The following PCED1B variants were observed in gnomAD, a reference collection of about 807,000 sequenced individuals.
PCED1B encodes PC-esterase domain-containing protein 1B.
For missense variants in PCED1B, 573 were observed against 573.9 expected, an observed-to-expected ratio of 1.00 and a Z score of 0.02; for synonymous variants, 251 against 246.1, an observed-to-expected ratio of 1.02 and a Z score of -0.19.
intron 2 of PCED1B, among the ~76,000 whole-genome samples, chr12:47,106,353 A>T (rs1565750226): frequency 1.3e-5 from 2 of 152,126 alleles, no homozygotes; most frequent in African/African-American, 4.8e-5. Flanking sequence ...TCTTGTTTGT[A>T]GAATTAAATA....
chr12:47,124,914 G>A (rs1276034954), intron 2 of PCED1B, among the ~76,000 whole-genome samples: 3 of 151,864 alleles, frequency 2.0e-5, no homozygotes, highest in Non-Finnish European at 4.4e-5. Context: ...TCTCAATACA[G>A]GTTCTTAACA....
intron 2 of PCED1B, among the ~76,000 whole-genome samples, chr12:47,180,985 A>G (rs1197241812): frequency 8.4e-6 from 1 of 118,378 alleles, no homozygotes; most frequent in Non-Finnish European, 1.7e-5. Context: ...TTTCAACTGT[A>G]TTCTCTTTTT....
intron 1 of PCED1B, among the ~76,000 whole-genome samples, chr12:47,103,560 T>C (rs1938811647): frequency 6.6e-6 from 1 of 152,228 alleles, no homozygotes; most frequent in African/African-American, 2.4e-5. Context: ...AGTTCACGAA[T>C]CATTCCCACA....
chr12:47,186,043 C>T (rs768670870), intron 2 of PCED1B, among the ~76,000 whole-genome samples: 15 of 151,860 alleles, frequency 9.9e-5, no homozygotes, highest in Non-Finnish European at 1.5e-4. Flanking sequence ...CATGGTGAAA[C>T]CCCATCTCTA....
intron 2 of PCED1B, among the ~76,000 whole-genome samples, chr12:47,182,677 G>A (rs1409567008): frequency 2.6e-5 from 4 of 152,090 alleles, no homozygotes; most frequent in Admixed American, 1.3e-4. Context: ...AACTCAGGAG[G>A]CAGATTATTA....
intron 2 of PCED1B, among the ~76,000 whole-genome samples, chr12:47,130,174 G>A (rs1940064581): frequency 6.6e-6 from 1 of 152,028 alleles, no homozygotes; most frequent in Non-Finnish European, 1.5e-5. Context: ...TTTTTAAGTG[G>A]TAAGGCTTTA....
At chr12:47,107,881 A>G (rs933373470) in intron 2 of PCED1B, among the ~76,000 whole-genome samples, 1 of 152,238 alleles carries the variant, frequency 6.6e-6, no homozygotes, top group Non-Finnish European at 1.5e-5. Context: ...AACCAGAAAA[A>G]TGAGGATCTT....
At chr12:47,126,479 C>T (rs1368960182) in intron 2 of PCED1B, among the ~76,000 whole-genome samples, 1 of 152,026 alleles carries the variant, frequency 6.6e-6, no homozygotes, top group African/African-American at 2.4e-5. Context: ...TTTCTTACAA[C>T]ATCTTTGGTT....
chr12:47,086,030 C>T (rs918104782), intron 1 of PCED1B, among the ~76,000 whole-genome samples: 9 of 152,246 alleles, frequency 5.9e-5, no homozygotes, highest in South Asian at 2.1e-4. Context: ...GTGTGCTAGG[C>T]GCTATTCTTT....
chr12:47,174,662 T>C (rs1054202847), intron 2 of PCED1B, among the ~76,000 whole-genome samples: 1 of 152,218 alleles, frequency 6.6e-6, no homozygotes, highest in Non-Finnish European at 1.5e-5. Flanking sequence ...TTAATGAATA[T>C]GACAGTTTTG....
At chr12:47,182,021 G>A (rs1468173643) in intron 2 of PCED1B, among the ~76,000 whole-genome samples, 1 of 152,188 alleles carries the variant, frequency 6.6e-6, no homozygotes, top group Non-Finnish European at 1.5e-5. Context: ...ATGTAATTTT[G>A]AAGTCACAAA....
Position 47,089,687 on chromosome 12 carries a change from T to TA in PCED1B, c.-609+9963dup, listed in dbSNP as rs1206199695. Among the ~76,000 whole-genome samples, 5 of 151,008 alleles carry TA rather than the reference T, an allele frequency of 3.3e-5. 1 individual carries two copies. Among genetic ancestry groups the TA allele is most frequent in the Middle Eastern group, 6.8e-3 (2 of 294 alleles). ...GACAAATCCATTGTCACAAGAGAGA[T>TA]ACGTTTGCCAATAAGACCAAATATT... On this transcript the variant is annotated intron_variant, in intron 1 of 3. Transcript: ENST00000546455.
At chr12:47,174,706 T>G (rs1346475323) in intron 2 of PCED1B, among the ~76,000 whole-genome samples, 1 of 152,246 alleles carries the variant, frequency 6.6e-6, no homozygotes, top group Non-Finnish European at 1.5e-5. Context: ...TATATACTTT[T>G]GCACATCTGG....
chr12:47,122,901 A>G (rs1040659317), intron 2 of PCED1B, among the ~76,000 whole-genome samples: 3 of 152,160 alleles, frequency 2.0e-5, no homozygotes, highest in Admixed American at 6.5e-5. Context: ...CCTCCTGGAG[A>G]TTATAATCCT....
At chr12:47,208,547 T>C (rs1027041103) in intron 2 of PCED1B, 3 of 152,100 alleles carry the variant, frequency 2.0e-5, no homozygotes, top group East Asian at 1.9e-4. Flanking sequence ...ACTACAGGCG[T>C]ATTTTTAATA....
intron 2 of PCED1B, among the ~76,000 whole-genome samples, chr12:47,174,712 T>A (rs549992072): frequency 6.6e-6 from 1 of 152,300 alleles, no homozygotes; most frequent in East Asian, 1.9e-4. Context: ...CTTTTGCACA[T>A]CTGGAATTTA....
At chr12:47,124,618 G>C (rs186277647) in intron 2 of PCED1B, among the ~76,000 whole-genome samples, 45 of 151,726 alleles carry the variant, frequency 3.0e-4, no homozygotes, top group African/African-American at 1.1e-3. Context: ...TGTGAGAGTT[G>C]TATGACTTTT....
At position 47,235,669 on chromosome 12, in the gene PCED1B, C is replaced by T. The variant is rs755770308; in HGVS notation, c.606C>T (p.Thr202=). ...EVVKANFHSA[T]EARKHNFDVL... ...TCAAAGCCAACTTCCACAGCGCCAC[C>T]GAGGCACGTAAACATAACTTCGATG... Residue 202 remains threonine (T), a synonymous_variant, in exon 4 of 4, where the codon ACC becomes ACT. Coordinates refer to ENST00000546455, the MANE Select transcript of PCED1B (RefSeq NM_138371.3). The T allele has an allele frequency of 9.3e-6, 15 of 1,612,908 alleles. No individual in the cohort carries two copies. The Admixed American group carries it at 2.0e-4, about 22-fold the overall frequency.
chr12:47,210,849 G>A (rs1363098947), intron 2 of PCED1B: 1 of 151,982 alleles, frequency 6.6e-6, no homozygotes, highest in Non-Finnish European at 1.5e-5. Context: ...AAAGAAAAAG[G>A]AAGGTCAAAA....
Sources: allele counts gnomAD v4.1 joint callset (sites outside exome capture counted in the v4.1 genomes callset), GRCh38; gene constraint gnomAD v4.1.1; transcripts MANE v1.5; gene names NCBI Gene and HGNC (gene_info 2026-07-23, HGNC 2026-07-21).